NELL2: variants seen among roughly 807,000 people sequenced by gnomAD.
The protein encoded by NELL2 is neural EGFL like 2.
NELL2 carries 41 observed loss-of-function variants against 109.6 expected under a neutral mutation model. The ratio of observed to expected loss-of-function variants is 0.37; its 90% CI spans 0.29 to 0.49. The LOEUF (loss-of-function observed/expected upper bound fraction) is 0.49. Among genes scored for constraint, NELL2 ranks in the 20% least tolerant of loss-of-function variants. The pLI, the probability that NELL2 is intolerant of heterozygous loss-of-function variation, is 0.98. For missense variants in NELL2, 900 were observed against 1,008.3 expected, an observed-to-expected ratio of 0.89 and a Z score of 1.45; for synonymous variants, 355 against 344.7, an observed-to-expected ratio of 1.03 and a Z score of -0.33.
intron 2 of NELL2, 165 bp downstream of exon 2, chr12:44,875,060 C>G (rs1293365024): frequency 1.1e-6 from 1 of 918,028 alleles, no homozygotes; most frequent in Admixed American, 3.0e-5. Context: ...GAGAAAAAAC[C>G]ACTTAAAAGA....
chr12:44,908,014 G>C (rs1262096402), intron 1 of NELL2, among the ~76,000 whole-genome samples: 1 of 151,976 alleles, frequency 6.6e-6, no homozygotes, highest in Non-Finnish European at 1.5e-5. Flanking sequence ...TATTTTCTCA[G>C]TGGAATAGGA....
At chr12:44,820,431 AC>A (rs1943501477) in intron 2 of NELL2, among the ~76,000 whole-genome samples, 1 of 151,934 alleles carries the variant, frequency 6.6e-6, no homozygotes, top group South Asian at 2.1e-4. Flanking sequence ...ACATGGTGAA[AC>A]CCCGTCTCTA....
chr12:44,617,684 T>C (rs1336946513), intron 13 of NELL2, among the ~76,000 whole-genome samples: 2 of 22,810 alleles, frequency 8.8e-5, no homozygotes, highest in Non-Finnish European at 6.6e-5. Flanking sequence ...AGAGCGAGAC[T>C]CCGTCTCAAA....
intron 9 of NELL2, among the ~76,000 whole-genome samples, chr12:44,744,092 C>G (rs190739005): frequency 5.3e-5 from 8 of 152,240 alleles, no homozygotes; most frequent in Admixed American, 5.2e-4. Flanking sequence ...GAAATTATAA[C>G]AAACTGTCTC....
chr12:44,895,177 T>G (rs1276052699), intron 1 of NELL2, among the ~76,000 whole-genome samples: 1 of 152,166 alleles, frequency 6.6e-6, no homozygotes, highest in Non-Finnish European at 1.5e-5. Context: ...TTTCAACACT[T>G]AGAGAACTCT....
At chr12:44,895,146 ATCT>A (rs1326805060) in intron 1 of NELL2, among the ~76,000 whole-genome samples, 1 of 152,130 alleles carries the variant, frequency 6.6e-6, no homozygotes, top group Non-Finnish European at 1.5e-5. Flanking sequence ...GAGAAAGGAA[ATCT>A]TCTCCTTCAG....
At chr12:44,770,045 C>T (rs1343993310) in intron 9 of NELL2, among the ~76,000 whole-genome samples, 1 of 152,066 alleles carries the variant, frequency 6.6e-6, no homozygotes, top group Non-Finnish European at 1.5e-5. Context: ...GCATTACATA[C>T]TATTTGATCT....
At chr12:44,608,337 T>C (rs981813225) in intron 14 of NELL2, among the ~76,000 whole-genome samples, 21 of 152,112 alleles carry the variant, frequency 1.4e-4, no homozygotes, top group African/African-American at 3.6e-4. Flanking sequence ...AAAGAGTCCA[T>C]TTGGCTTCTT....
chr12:44,686,320 AT>A (rs953456674), intron 12 of NELL2, among the ~76,000 whole-genome samples: 54 of 151,892 alleles, frequency 3.6e-4, no homozygotes, highest in African/African-American at 1.3e-3. Context: ...ATTCTTCTAA[AT>A]TTTTTTCAAA....
chr12:44,749,390 T>C (rs1313801643), intron 9 of NELL2, among the ~76,000 whole-genome samples: 1 of 152,192 alleles, frequency 6.6e-6, no homozygotes, highest in Non-Finnish European at 1.5e-5. Context: ...TTATTATTTT[T>C]CCTAATTCTA....
At chr12:44,524,187 C>G (rs1239852397) in intron 16 of NELL2, among the ~76,000 whole-genome samples, 1 of 152,246 alleles carries the variant, frequency 6.6e-6, no homozygotes, top group African/African-American at 2.4e-5. Flanking sequence ...CAACTGGCAA[C>G]TGCCCATACT....
rs888380274 is a variant in NELL2 at position 44,522,040 on chromosome 12, C to T, written c.2135G>A (p.Gly712Asp). ...TTGACAATTCTGGACCCAGGTGTCA[C>T]CACTGTTATACAAAGTTTCCCCATT... ...HQNGETLYNS[G>D]DTWVQNCQQC... The change falls in exon 18 of 20, where the codon GGT becomes GAT. Residue 712 changes from glycine to aspartate, a missense_variant. Physicochemically the swap from Gly to Asp is moderately conservative, Grantham distance 94 (BLOSUM62 -1). Transcript: ENST00000429094. The T allele has an allele frequency of 1.9e-6, 3 of 1,614,018 alleles. No homozygotes were observed. Among genetic ancestry groups the T allele is most frequent in the Non-Finnish European group, 2.5e-6 (3 of 1,180,010 alleles).
At chr12:44,900,060 A>G (rs984437865) in intron 1 of NELL2, among the ~76,000 whole-genome samples, 28 of 152,218 alleles carry the variant, frequency 1.8e-4, no homozygotes, top group Admixed American at 5.2e-4. Context: ...AAGAAGAGAT[A>G]ACTATCCTAA....
chr12:44,697,365 C>T (rs1467273777), intron 12 of NELL2, among the ~76,000 whole-genome samples: 2 of 152,176 alleles, frequency 1.3e-5, no homozygotes, highest in East Asian at 3.9e-4. Context: ...CCCACAGTCA[C>T]TCACACTGGG....
intron 15 of NELL2, among the ~76,000 whole-genome samples, chr12:44,563,313 TA>T (rs907918065): frequency 4.0e-5 from 6 of 148,994 alleles, no homozygotes; most frequent in African/African-American, 1.2e-4. Flanking sequence ...TAAAGTATAA[TA>T]AAAAAAAATT....
intron 13 of NELL2, among the ~76,000 whole-genome samples, chr12:44,626,022 C>G (rs977881897): frequency 6.6e-6 from 1 of 152,014 alleles, no homozygotes; most frequent in African/African-American, 2.4e-5. Flanking sequence ...TTAGCCTTCT[C>G]TAACATCTCT....
intron 10 of NELL2, among the ~76,000 whole-genome samples, chr12:44,712,584 G>A (rs1246804798): frequency 6.6e-6 from 1 of 151,984 alleles, no homozygotes; most frequent in Non-Finnish European, 1.5e-5. Flanking sequence ...TGAGAGAGCT[G>A]TCAATTCTGC....
intron 13 of NELL2, among the ~76,000 whole-genome samples, chr12:44,649,296 A>G (rs1947221192): frequency 6.6e-6 from 1 of 151,778 alleles, no homozygotes; most frequent in Non-Finnish European, 1.5e-5. Flanking sequence ...CTGTTTTGGA[A>G]ACATCACCCA....
intron 12 of NELL2, among the ~76,000 whole-genome samples, chr12:44,681,411 T>C (rs961182508): frequency 6.7e-6 from 1 of 150,186 alleles, no homozygotes; most frequent in African/African-American, 2.4e-5. Flanking sequence ...TATTTTATTT[T>C]ATTTTATTTA....
Sources: gnomAD v4.1 joint callset for allele counts (sites outside exome capture counted in the v4.1 genomes callset) on GRCh38, gnomAD v4.1.1 for gene constraint, MANE v1.5 for transcripts, NCBI Gene and HGNC (gene_info 2026-07-23, HGNC 2026-07-21) for gene names.